The following PHYH variants were observed in gnomAD, a reference collection of about 807,000 sequenced individuals.
PHYH encodes phytanoyl-CoA 2-hydroxylase.
Under a neutral mutation model 38.5 loss-of-function variants are expected in PHYH, and 32 were observed. The observed-to-expected ratio is 0.83, with a 90% CI of 0.63 to 1.12. The LOEUF (loss-of-function observed/expected upper bound fraction) is 1.12, where lower values mean the gene tolerates loss of function less well. Ranked by LOEUF, PHYH falls within the 50% of genes most tolerant of loss-of-function variation. The probability of loss-of-function intolerance (pLI) is 0.00; values close to 1 mark genes in which losing one functional copy is unlikely to be tolerated. For missense variants in PHYH, 426 were observed against 434.8 expected, an observed-to-expected ratio of 0.98 and a Z score of 0.18; for synonymous variants, 166 against 157.9, an observed-to-expected ratio of 1.05 and a Z score of -0.38.
At chr10:13,282,945 C>T (rs967950664) in intron 7 of PHYH, among the ~76,000 whole-genome samples, 2 of 151,716 alleles carry the variant, frequency 1.3e-5, no homozygotes, top group Non-Finnish European at 2.9e-5. Flanking sequence ...GAATGGAAGA[C>T]GAAATTTGGC....
At chr10:13,296,663 C>T (rs1835860491) in intron 2 of PHYH, among the ~76,000 whole-genome samples, 1 of 150,244 alleles carries the variant, frequency 6.7e-6, no homozygotes, top group Non-Finnish European at 1.5e-5. Context: ...AAAATTAAGG[C>T]CATATAATAG....
chr10:13,289,361 A>G (rs1282690032), intron 5 of PHYH, among the ~76,000 whole-genome samples: 2 of 151,234 alleles, frequency 1.3e-5, no homozygotes, highest in Non-Finnish European at 2.9e-5. Flanking sequence ...ACGCCCGGCT[A>G]ATTTTTTGTA....
chr10:13,286,602 G>A (rs1243918533), intron 6 of PHYH, among the ~76,000 whole-genome samples: 1 of 151,720 alleles, frequency 6.6e-6, no homozygotes, highest in Non-Finnish European at 1.5e-5. Context: ...TCGGGAGGCT[G>A]AGGCAGGAAA....
chr10:13,286,793 G>A (rs1020247606), intron 6 of PHYH, among the ~76,000 whole-genome samples: 2 of 151,764 alleles, frequency 1.3e-5, no homozygotes, highest in Admixed American at 6.6e-5. Context: ...AAGCCAGAAC[G>A]GGACAAAAAA....
chr10:13,298,346 T>A, intron 1 of PHYH, 101 bp from the exon 2 acceptor site: 1 of 705,166 alleles, frequency 1.4e-6, no homozygotes, highest in Non-Finnish European at 2.6e-6. Flanking sequence ...GCAGGAGGAT[T>A]ACTTGAGCTC....
chr10:13,292,041 C>T (rs1835725063), intron 4 of PHYH, 129 bp from the exon 5 acceptor site: 1 of 696,214 alleles, frequency 1.4e-6, no homozygotes, highest in Non-Finnish European at 2.5e-6. Context: ...AGCGGTATTT[C>T]ACAACATTGC....
intron 1 of PHYH, among the ~76,000 whole-genome samples, chr10:13,299,138 A>AC (rs1554785714): frequency 6.6e-6 from 1 of 150,454 alleles, no homozygotes; most frequent in East Asian, 1.9e-4. Flanking sequence ...TCAAAAAAAA[A>AC]AAAAAACCAA....
rs1475753546 is a variant in PHYH, at chr10:13,280,953, C to T, written c.963+23G>A. On this transcript the variant is annotated intron_variant, in intron 8 of 8. Coordinates refer to ENST00000263038, the MANE Select transcript of PHYH (RefSeq NM_006214.4). The stretch of plus-strand genomic sequence containing the variant: ...GAAAAGAAAAACCTGAGATTTTTAC[C>T]TTGCTATTGTATACAAACATACCTT... The T allele has an allele frequency of 3.1e-6, 5 of 1,611,112 alleles. No individual in the cohort carries two copies. In the African/African-American group the frequency reaches 5.3e-5, roughly 17 times the overall value.
Position 13,293,371 on chromosome 10 carries a change from G to A in PHYH, c.414+1057C>T, listed in dbSNP as rs936898281. Among the ~76,000 whole-genome samples the A allele has an allele frequency of 2.0e-5, 3 of 151,852 alleles. 1 individual carries two copies. The East Asian group carries it at 5.8e-4, about 29-fold the overall frequency. Reference sequence around the variant, plus strand: ...AGGCTAGGTGCAATGACATGATCTCGGCTCACTGCAACCTCTGCCTCCCGG... The same window carrying A: ...AGGCTAGGTGCAATGACATGATCTCAGCTCACTGCAACCTCTGCCTCCCGG... On this transcript the variant is annotated intron_variant, in intron 4 of 8. Transcript: ENST00000263038.
At chr10:13,296,762 C>T (rs1017864872) in intron 2 of PHYH, among the ~76,000 whole-genome samples, 1 of 146,126 alleles carries the variant, frequency 6.8e-6, no homozygotes, top group Non-Finnish European at 1.5e-5. Flanking sequence ...CGGGACCATC[C>T]TGGCTAACAC....
intron 4 of PHYH, among the ~76,000 whole-genome samples, chr10:13,292,661 G>A (rs552403100): frequency 2.0e-5 from 3 of 152,272 alleles, no homozygotes; most frequent in South Asian, 2.1e-4. Flanking sequence ...GGTCGGGTGC[G>A]TTAGCGCACA....
intron 6 of PHYH, among the ~76,000 whole-genome samples, chr10:13,285,601 C>G (rs991539842): frequency 7.8e-6 from 1 of 128,958 alleles, no homozygotes; most frequent in Non-Finnish European, 1.7e-5. Context: ...AGGATCTTTT[C>G]TTTTCTTTTT....
intron 5 of PHYH, 73 bp from the exon 6 acceptor site, chr10:13,288,614 T>G: frequency 6.8e-7 from 1 of 1,464,976 alleles, no homozygotes; most frequent in Non-Finnish European, 9.6e-7. Flanking sequence ...CCCCAGCACT[T>G]TGGGATATAA....
Position 13,295,621 on chromosome 10 carries a change from G to T in PHYH, c.135-15C>A, listed in dbSNP as rs1474696254. 2 of 1,008,676 alleles carry T rather than the reference G, an allele frequency of 2.0e-6. No individual in the cohort carries two copies. The highest frequency in any genetic ancestry group is 1.6e-5 in the African/African-American group (1 of 63,756). 62.5% of individuals were successfully genotyped at this position (1,008,676 alleles called of 1,614,324 possible). A position where few individuals can be genotyped will look rare whatever the true frequency, so the allele number is the denominator to read the frequency against. On this transcript the variant is annotated splice_polypyrimidine_tract_variant and intron_variant, in intron 2 of 8. Coordinates refer to ENST00000263038, the MANE Select transcript of PHYH (RefSeq NM_006214.4). ...CCAGAGTATACCTAAAGGAGAAAAA[G>T]AATCCCAAAATAAGTTACATTTTTA...
At chr10:13,289,916 G>A (rs1835660706) in intron 5 of PHYH, among the ~76,000 whole-genome samples, 1 of 145,624 alleles carries the variant, frequency 6.9e-6, no homozygotes, top group African/African-American at 2.6e-5. Flanking sequence ...TCCAGCCTAG[G>A]CGACAGAGTG....
At chr10:13,296,784 C>T (rs1004178661) in intron 2 of PHYH, among the ~76,000 whole-genome samples, 7 of 151,354 alleles carry the variant, frequency 4.6e-5, no homozygotes, top group East Asian at 3.9e-4. Flanking sequence ...GTGAAACCCG[C>T]CTCTACTAAA....
In PHYH at chr10:13,284,872, A is replaced by C. The variant is rs149489449; in HGVS notation, c.679-1033T>G. ...CTGGGAATGACGACATCCCTCTTAG[A>C]CAGTGCTGAGACTCTGACCCAGAGC... On this transcript the variant is annotated intron_variant, in intron 6 of 8. Transcript: ENST00000263038. 3.1e-4 allele frequency among the ~76,000 whole-genome samples: 47 copies of C among 152,236 alleles called. No homozygotes were observed. The East Asian group carries it at 6.8e-3, about 22-fold the overall frequency.
At chr10:13,288,604 C>T in intron 5 of PHYH, 63 bp from the exon 6 acceptor site, 1 of 1,503,520 alleles carries the variant, frequency 6.7e-7, no homozygotes. Flanking sequence ...ACGCCTGTAA[C>T]CCCAGCACTT....
rs10400109 is a variant in PHYH at position 13,291,567 on chromosome 10, A to G, written c.496+264T>C. 3,478 of 480,266 alleles carry G rather than the reference A, an allele frequency of 7.2e-3. 115 individuals carry two copies. The highest frequency in any genetic ancestry group is 0.06 in the African/African-American group (3,069 of 51,200). The allele number at this position is 480,266 out of a possible 1,614,324, so 29.8% of individuals were successfully genotyped here. A position where few individuals can be genotyped will look rare whatever the true frequency, so the allele number is the denominator to read the frequency against. ...CATTATAGGTTCACTGCAGCCTTCAACTCCTGGGCTCAAGTGATCCTCCCA... is the reference window on the plus strand; with the variant it reads ...CATTATAGGTTCACTGCAGCCTTCAGCTCCTGGGCTCAAGTGATCCTCCCA... On this transcript the variant is annotated intron_variant, in intron 5 of 8. Coordinates refer to ENST00000263038, the MANE Select transcript of PHYH (RefSeq NM_006214.4).
Sources: gnomAD v4.1 joint callset for allele counts (sites outside exome capture counted in the v4.1 genomes callset) on GRCh38, gnomAD v4.1.1 for gene constraint, MANE v1.5 for transcripts, NCBI Gene and HGNC (gene_info 2026-07-23, HGNC 2026-07-21) for gene names.